The following RALYL variants were observed in gnomAD, a reference collection of about 807,000 sequenced individuals.
RALYL encodes RALY RNA binding protein like, also known as RNA-binding Raly-like protein.
In RALYL, 29 loss-of-function variants were observed where a neutral mutation model predicts 35.1. The ratio of observed to expected loss-of-function variants is 0.83; its 90% CI spans 0.61 to 1.13. The LOEUF (loss-of-function observed/expected upper bound fraction) is 1.13, where lower values mean the gene tolerates loss of function less well. Ranked by LOEUF, RALYL falls within the 50% of genes most tolerant of loss-of-function variation. The pLI is 0.00. For missense variants in RALYL, 359 were observed against 360.4 expected, an observed-to-expected ratio of 1.00 and a Z score of 0.03; for synonymous variants, 120 against 127.6, an observed-to-expected ratio of 0.94 and a Z score of 0.40.
chr8:84,311,560 T>A (rs1842817384), intron 1 of RALYL, among the ~76,000 whole-genome samples: 1 of 152,270 alleles, frequency 6.6e-6, no homozygotes, highest in Non-Finnish European at 1.5e-5. Flanking sequence ...TAAAGCTCTA[T>A]GGACATGGAA....
chr8:84,491,600 C>G (rs1014500913), intron 1 of RALYL, among the ~76,000 whole-genome samples: 1 of 151,908 alleles, frequency 6.6e-6, no homozygotes, highest in African/African-American at 2.4e-5. Context: ...TGATTTTGAG[C>G]TGATTTTCTC....
intron 2 of RALYL, among the ~76,000 whole-genome samples, chr8:84,589,665 TATTA>T (rs1185520710): frequency 1.3e-5 from 2 of 152,224 alleles, no homozygotes; most frequent in Non-Finnish European, 2.9e-5. Context: ...CCAATTATTA[TATTA>T]ATTATTTTCA....
chr8:84,576,996 C>T (rs1173563464), intron 2 of RALYL, among the ~76,000 whole-genome samples: 1 of 152,242 alleles, frequency 6.6e-6, no homozygotes, highest in African/African-American at 2.4e-5. Flanking sequence ...ACCACCTTGA[C>T]TGTCTTCTTG....
At chr8:84,407,282 C>G (rs2043635974) in intron 1 of RALYL, among the ~76,000 whole-genome samples, 1 of 152,090 alleles carries the variant, frequency 6.6e-6, no homozygotes, top group South Asian at 2.1e-4. Context: ...AAGACCACAC[C>G]ACTACATAGC....
At chr8:84,871,031 C>CAT (rs1487399184) in intron 6 of RALYL, among the ~76,000 whole-genome samples, 1 of 152,128 alleles carries the variant, frequency 6.6e-6, no homozygotes, top group Middle Eastern at 3.2e-3. Context: ...GAGCAGCCTG[C>CAT]ATAGGGTTAG....
At chr8:84,515,441 G>A (rs768432633) in intron 1 of RALYL, among the ~76,000 whole-genome samples, 1 of 152,140 alleles carries the variant, frequency 6.6e-6, no homozygotes, top group Non-Finnish European at 1.5e-5. Context: ...CAGTACCACA[G>A]CATATATTCC....
chr8:84,263,796 G>A (rs1299751897), intron 1 of RALYL, among the ~76,000 whole-genome samples: 4 of 151,990 alleles, frequency 2.6e-5, no homozygotes, highest in African/African-American at 9.7e-5. Context: ...CCAAGTGTGG[G>A]TTGTTCCTCT....
At chr8:84,403,524 GTTT>G (rs769845435) in intron 1 of RALYL, among the ~76,000 whole-genome samples, 4 of 39,426 alleles carry the variant, frequency 1.0e-4, no homozygotes, top group African/African-American at 2.1e-4. Flanking sequence ...CTATATCTCT[GTTT>G]TTTTTTTTTT....
intron 1 of RALYL, among the ~76,000 whole-genome samples, chr8:84,488,176 A>G (rs1185462795): frequency 6.6e-6 from 1 of 152,058 alleles, no homozygotes; most frequent in African/African-American, 2.4e-5. Flanking sequence ...TCTGGAAATG[A>G]TTGTAACAAA....
At chr8:84,339,165 T>G (rs1464989326) in intron 1 of RALYL, among the ~76,000 whole-genome samples, 1 of 151,988 alleles carries the variant, frequency 6.6e-6, no homozygotes, top group East Asian at 1.9e-4. Flanking sequence ...CTTAGTTTTT[T>G]GCATAAATTG....
intron 1 of RALYL, among the ~76,000 whole-genome samples, chr8:84,334,509 T>A (rs1250401104): frequency 6.6e-6 from 1 of 151,108 alleles, no homozygotes; most frequent in Non-Finnish European, 1.5e-5. Flanking sequence ...ATTATAAATA[T>A]CATAAAATAT....
chr8:84,697,000 C>A (rs1052330643), intron 2 of RALYL, among the ~76,000 whole-genome samples: 1 of 151,968 alleles, frequency 6.6e-6, no homozygotes, highest in Non-Finnish European at 1.5e-5. Context: ...CTATTCAACT[C>A]AGCAGGCTGA....
At chr8:84,255,890 A>AT (rs1252977298) in intron 1 of RALYL, among the ~76,000 whole-genome samples, 3 of 152,106 alleles carry the variant, frequency 2.0e-5, no homozygotes, top group African/African-American at 4.8e-5. Context: ...ATTAGAAGAT[A>AT]TTTTTTCCCT....
chr8:84,839,148 T>A (rs1201406639), intron 4 of RALYL, among the ~76,000 whole-genome samples: 4 of 152,046 alleles, frequency 2.6e-5, no homozygotes, highest in African/African-American at 9.7e-5. Flanking sequence ...GCGCACTGAG[T>A]GTGAGCCAAA....
At chr8:84,469,311 A>G (rs948126265) in intron 1 of RALYL, among the ~76,000 whole-genome samples, 17 of 151,792 alleles carry the variant, frequency 1.1e-4, no homozygotes, top group Admixed American at 2.0e-4. Flanking sequence ...TGATGTACAG[A>G]TGGGTTTTTG....
At chr8:84,205,199 C>T (rs536078042) in intron 1 of RALYL, among the ~76,000 whole-genome samples, 7 of 152,304 alleles carry the variant, frequency 4.6e-5, no homozygotes, top group African/African-American at 1.2e-4. Flanking sequence ...CTTCAAAACC[C>T]ATGGCCACAG....
intron 2 of RALYL, among the ~76,000 whole-genome samples, chr8:84,554,489 A>C (rs1237895070): frequency 5.3e-5 from 8 of 152,202 alleles, no homozygotes; most frequent in Admixed American, 5.2e-4. Context: ...AATCCAAAGA[A>C]CCAAAAATAT....
intron 1 of RALYL, among the ~76,000 whole-genome samples, chr8:84,297,113 T>C (rs1839901861): frequency 6.6e-6 from 1 of 151,936 alleles, no homozygotes; most frequent in African/African-American, 2.4e-5. Context: ...GTAAACTGCA[T>C]GCCACAGGAG....
chr8:84,317,186 A>G (rs1006728115), intron 1 of RALYL, among the ~76,000 whole-genome samples: 7 of 152,116 alleles, frequency 4.6e-5, no homozygotes, highest in Non-Finnish European at 1.0e-4. Flanking sequence ...CTCATCTTTC[A>G]TAGTATGAGA....
Sources: allele counts gnomAD v4.1 joint callset (sites outside exome capture counted in the v4.1 genomes callset), GRCh38; gene constraint gnomAD v4.1.1; transcripts MANE v1.5; gene names NCBI Gene and HGNC (gene_info 2026-07-23, HGNC 2026-07-21).